Variants in SMCO2 observed in about 807,000 individuals in gnomAD.
The protein encoded by SMCO2 is single-pass membrane and coiled-coil domain-containing protein 2.
A neutral mutation model predicts 29.5 loss-of-function variants in SMCO2; 25 were observed. That is an observed-to-expected ratio of 0.85 (90% confidence interval 0.62 to 1.18). The LOEUF (loss-of-function observed/expected upper bound fraction) is 1.18, where lower values mean the gene tolerates loss of function less well. SMCO2 is among the 50% of genes most tolerant of loss of function. The pLI, the probability that SMCO2 is intolerant of heterozygous loss-of-function variation, is 0.00. For synonymous variants in SMCO2, 117 were observed against 123.3 expected (o/e 0.95, Z 0.34); for missense variants, 348 against 344.5 (o/e 1.01, Z -0.08).
intron 1 of SMCO2, among the ~76,000 whole-genome samples, chr12:27,469,844 G>C (rs1373526290): frequency 6.6e-6 from 1 of 152,076 alleles, no homozygotes; most frequent in Non-Finnish European, 1.5e-5. Flanking sequence ...CTCCTCTGCT[G>C]TCCAGCGAAC....
intron 4 of SMCO2, among the ~76,000 whole-genome samples, chr12:27,482,924 G>A (rs1429076288): frequency 6.6e-6 from 1 of 152,064 alleles, no homozygotes; most frequent in African/African-American, 2.4e-5. Context: ...ACAAAGTTTC[G>A]CCATGTGGCC....
chr12:27,440,334 G>A, the SMCO2 span, among the ~76,000 whole-genome samples: 6 of 152,134 alleles, frequency 3.9e-5, no homozygotes. Flanking sequence ...CACCAGTTCT[G>A]TTGTGCAAGA....
At chr12:27,442,023 G>A in the SMCO2 span, among the ~76,000 whole-genome samples, 1 of 152,058 alleles carries the variant, frequency 6.6e-6, no homozygotes, top group Non-Finnish European at 1.5e-5. Flanking sequence ...GAGGAAAATG[G>A]AAATACAACA....
the SMCO2 span, among the ~76,000 whole-genome samples, chr12:27,434,442 C>T: frequency 4.6e-5 from 7 of 152,200 alleles, no homozygotes; most frequent in African/African-American, 1.7e-4. Flanking sequence ...AATTTCCCCA[C>T]ATTTGAAGAG....
chr12:27,444,350 A>G, the SMCO2 span, among the ~76,000 whole-genome samples: 2 of 152,180 alleles, frequency 1.3e-5, no homozygotes, highest in Non-Finnish European at 2.9e-5. Flanking sequence ...TCAAATCAAA[A>G]TGGATTATTG....
chr12:27,466,894 A>G (rs73082065), exon 1 of SMCO2: 10,002 of 152,318 alleles, frequency 0.066, 391 homozygotes, highest in East Asian at 0.12. Flanking sequence ...TGGAACAGGA[A>G]AACTTGACTG....
chr12:27,484,867 AAAAAATAT>A (rs1949674955), intron 4 of SMCO2, among the ~76,000 whole-genome samples: 1 of 111,756 alleles, frequency 8.9e-6, no homozygotes, highest in African/African-American at 5.1e-5. Context: ...AAAAAAAAAA[AAAAAATAT>A]ATATATATAT....
At chr12:27,474,991 G>GAA in intron 4 of SMCO2, 78 bp downstream of exon 4, 1 of 1,478,462 alleles carries the variant, frequency 6.8e-7, no homozygotes, top group Non-Finnish European at 9.0e-7. Context: ...ATAACTTAGG[G>GAA]AAAGTCTGGA....
At chr12:27,488,677 C>T (rs758080841) in intron 5 of SMCO2, 130 bp downstream of exon 6, 5 of 527,178 alleles carry the variant, frequency 9.5e-6, no homozygotes, top group African/African-American at 2.0e-5. Context: ...CTGGTGGTCA[C>T]GTCTGAGCAC....
exon 5 of SMCO2, chr12:27,488,493 A>C: frequency 6.5e-7 from 1 of 1,538,692 alleles, no homozygotes; most frequent in Non-Finnish European, 8.8e-7. Flanking sequence ...TGAAGGGTCA[A>C]ATTGAAAAGC....
chr12:27,497,807 A>G (rs947997343), intron 7 of SMCO2: 5 of 212,190 alleles, frequency 2.4e-5, no homozygotes, highest in Admixed American at 1.2e-4. Context: ...AGCAAAAACT[A>G]TTTGAGGAGA....
chr12:27,456,279 G>A, the SMCO2 span, among the ~76,000 whole-genome samples: 1 of 152,232 alleles, frequency 6.6e-6, no homozygotes, highest in Non-Finnish European at 1.5e-5. Context: ...ATATAGATAT[G>A]CATCAACACA....
At chr12:27,499,096 C>G (rs454882) in intron 7 of SMCO2, among the ~76,000 whole-genome samples, 6,077 of 150,560 alleles carry the variant, frequency 0.04, 849 homozygotes, top group African/African-American at 0.14. Context: ...TGGGTATATA[C>G]TCAAAAGAAT....
chr12:27,474,114 C>T (rs427679), intron 3 of SMCO2, among the ~76,000 whole-genome samples: 1 of 152,034 alleles, frequency 6.6e-6, no homozygotes, highest in African/African-American at 2.4e-5. Context: ...TTTCACATTT[C>T]TCACATTGGC....
At chr12:27,488,585 A>G (rs1949708894) in intron 5 of SMCO2, 38 bp downstream of exon 6, 2 of 1,447,108 alleles carry the variant, frequency 1.4e-6, no homozygotes, top group Non-Finnish European at 1.9e-6. Flanking sequence ...GAGGTTGGGG[A>G]TTTCTGTCAC....
intron 4 of SMCO2, among the ~76,000 whole-genome samples, chr12:27,488,176 T>C (rs1949705388): frequency 6.6e-6 from 1 of 152,192 alleles, no homozygotes; most frequent in Non-Finnish European, 1.5e-5. Flanking sequence ...GTCCCCCAAA[T>C]TTTCTGTGTG....
intron 1 of SMCO2, among the ~76,000 whole-genome samples, chr12:27,468,937 G>A (rs1158959200): frequency 2.0e-5 from 3 of 152,162 alleles, no homozygotes; most frequent in African/African-American, 7.2e-5. Flanking sequence ...CCATTGTTAG[G>A]ATTCTAATTG....
the SMCO2 span, among the ~76,000 whole-genome samples, chr12:27,444,517 G>A: frequency 6.6e-6 from 1 of 152,130 alleles, no homozygotes; most frequent in Non-Finnish European, 1.5e-5. Context: ...CAGCTAAAGA[G>A]CTCCTGCACA....
chr12:27,493,033 G>A (rs1942947791), intron 5 of SMCO2, among the ~76,000 whole-genome samples: 3 of 152,174 alleles, frequency 2.0e-5, no homozygotes, highest in Admixed American at 1.3e-4. Flanking sequence ...TCTTTTGTGG[G>A]AACATGGATG....
Sources: allele counts gnomAD v4.1 joint callset (sites outside exome capture counted in the v4.1 genomes callset), GRCh38; gene constraint gnomAD v4.1.1; transcripts MANE v1.5; gene names NCBI Gene and HGNC (gene_info 2026-07-23, HGNC 2026-07-21).